Variants in LTBP1 observed in about 807,000 individuals in gnomAD.
The protein encoded by LTBP1 is latent-transforming growth factor beta-binding protein 1.
LTBP1 carries 129 observed loss-of-function variants against 207.6 expected under a neutral mutation model. The observed-to-expected ratio is 0.62, with a 90% CI of 0.54 to 0.72. LTBP1 has a LOEUF of 0.72. Ranked by LOEUF, LTBP1 falls within the 30% of genes least tolerant of loss-of-function variation. LTBP1 has a pLI of 0.00. For synonymous variants in LTBP1, 963 were observed against 833.7 expected (o/e 1.16, Z -2.67); for missense variants, 2,281 against 2,217.2 (o/e 1.03, Z -0.58).
At chr2:33,296,578 G>T (rs2093879281) in intron 20 of LTBP1, among the ~76,000 whole-genome samples, 1 of 152,112 alleles carries the variant, frequency 6.6e-6, no homozygotes, top group Non-Finnish European at 1.5e-5. Flanking sequence ...AGTAGCACAT[G>T]TTGAATGAAT....
chr2:33,383,951 A>G (rs2095243972), intron 31 of LTBP1, among the ~76,000 whole-genome samples: 1 of 152,204 alleles, frequency 6.6e-6, no homozygotes, highest in South Asian at 2.1e-4. Context: ...GCAAAACGAA[A>G]TTGCAACCTC....
At chr2:33,328,864 C>T (rs899450227) in intron 24 of LTBP1, among the ~76,000 whole-genome samples, 1 of 152,042 alleles carries the variant, frequency 6.6e-6, no homozygotes, top group African/African-American at 2.4e-5. Flanking sequence ...TGTAGTAGTC[C>T]ATTTATTTTC....
At chr2:32,980,121 C>T (rs1682533284) in intron 2 of LTBP1, among the ~76,000 whole-genome samples, 1 of 140,360 alleles carries the variant, frequency 7.1e-6, no homozygotes, top group Non-Finnish European at 1.7e-5. Flanking sequence ...TGCATTTAAC[C>T]ACTCTTTGTC....
intron 3 of LTBP1, among the ~76,000 whole-genome samples, chr2:33,087,838 T>C (rs1028608131): frequency 6.6e-6 from 1 of 152,228 alleles, no homozygotes; most frequent in Non-Finnish European, 1.5e-5. Context: ...CATACCATCA[T>C]GTTCTAATTA....
chr2:33,130,002 T>C (rs1440218945), intron 4 of LTBP1, among the ~76,000 whole-genome samples: 2 of 152,222 alleles, frequency 1.3e-5, no homozygotes, highest in Non-Finnish European at 2.9e-5. Flanking sequence ...AGCACCTTTC[T>C]TGAGGAACAC....
Position 33,280,045 on chromosome 2 carries a change from A to G in LTBP1, c.2999A>G (p.Asp1000Gly). 1 of 1,613,810 alleles carries G rather than the reference A, an allele frequency of 6.2e-7. No individual in the cohort carries two copies. Among genetic ancestry groups the G allele is most frequent in the East Asian group, 2.2e-5 (1 of 44,890 alleles). Residue 1000 changes from aspartate to glycine, a missense_variant, in exon 19 of 34, where the codon GAT (aspartate) becomes GGT (glycine). By Grantham distance (94) the Asp-to-Gly change is moderately conservative (BLOSUM62 -1). Around this residue, in one of 3 missense-constraint regions of LTBP1, gnomAD observed 1,671 missense variants for 1,634.8 expected, o/e 1.02. Transcript: ENST00000404816. ...TAGGTTTTTGATTTTTCAGATATTG[A>G]TGAATGTTTGAATCCAAGCACTTGT... Reference protein sequence around the residue: ...MTQRGRCEDIDECLNPSTCPD... With the variant: ...MTQRGRCEDIGECLNPSTCPD...
intron 3 of LTBP1, among the ~76,000 whole-genome samples, chr2:33,057,268 G>T (rs780099791): frequency 1.3e-5 from 2 of 152,120 alleles, no homozygotes; most frequent in Non-Finnish European, 2.9e-5. Context: ...CAAACCTTGA[G>T]CTAGATACAG....
chr2:33,018,160 T>G lies in LTBP1; in HGVS notation c.566-2749T>G, dbSNP rs1175290708. On this transcript the variant is annotated intron_variant, in intron 2 of 33. Coordinates refer to ENST00000404816, the MANE Select transcript of LTBP1 (RefSeq NM_206943.4). ...ATATTTGTAAGTTCAAAGTTTTTTT[T>G]TTTTAACTTTTATGACTGTCTCCCC... Among the ~76,000 whole-genome samples, 4 of 152,118 alleles carry G rather than the reference T, an allele frequency of 2.6e-5. No homozygotes were observed. The East Asian group carries it at 7.7e-4, about 29-fold the overall frequency.
chr2:33,011,349 A>G (rs182518762), intron 2 of LTBP1, among the ~76,000 whole-genome samples: 18 of 152,288 alleles, frequency 1.2e-4, no homozygotes, highest in Non-Finnish European at 2.4e-4. Flanking sequence ...TGTTTCCCCA[A>G]AATTCTTCTA....
rs954894579 is a variant in LTBP1, at chr2:33,056,027, A to G, written c.863+34821A>G. Among the ~76,000 whole-genome samples, 5 of 152,166 alleles carry G rather than the reference A, an allele frequency of 3.3e-5. No homozygotes were observed. The East Asian group carries it at 5.8e-4, about 18-fold the overall frequency. On this transcript the variant is annotated intron_variant, in intron 3 of 33. Coordinates refer to ENST00000404816, the MANE Select transcript of LTBP1 (RefSeq NM_206943.4). ...TTGCATAGTTGTGTATTCTCCCTCA[A>G]TGAAAAGAAAGCTTGGACATAAGGT...
chr2:33,134,466 A>T lies in LTBP1; in HGVS notation c.1034-327A>T. 1.9e-6 allele frequency: 2 copies of T among 1,028,946 alleles called. No homozygotes were observed. Among genetic ancestry groups the T allele is most frequent in the South Asian group, 2.7e-5 (2 of 74,570 alleles). The allele number at this position is 1,028,946 out of a possible 1,614,324, so 63.7% of individuals were successfully genotyped here. On this transcript the variant is annotated intron_variant, in intron 4 of 33. Transcript: ENST00000404816. This position sits in a 1 kb window ranked among gnomAD's most constrained non-coding sequence, Gnocchi z 4.4. ...CTCTTTAATCTGTCGTGCCCTCGGT[A>T]TTGCTCTTTGTCTGCCCGTGAATAA... is the stretch of plus-strand genomic sequence containing the variant.
chr2:32,997,615 G>A (rs1685485823), intron 2 of LTBP1, among the ~76,000 whole-genome samples: 1 of 152,318 alleles, frequency 6.6e-6, no homozygotes, highest in Non-Finnish European at 1.5e-5. Context: ...TGGTGGGATG[G>A]TCGGGATCCT....
intron 9 of LTBP1, among the ~76,000 whole-genome samples, chr2:33,239,762 G>A (rs954148600): frequency 2.6e-5 from 4 of 151,452 alleles, no homozygotes; most frequent in East Asian, 1.9e-4. Flanking sequence ...AAATTAGCTG[G>A]GCATGGTGGC....
At chr2:32,995,058 C>T (rs1019377072) in intron 2 of LTBP1, among the ~76,000 whole-genome samples, 4 of 151,984 alleles carry the variant, frequency 2.6e-5, no homozygotes, top group African/African-American at 9.7e-5. Context: ...GTAGTACGTG[C>T]CTGTAGTCTC....
chr2:32,963,543 T>C (rs1679475346), intron 2 of LTBP1, among the ~76,000 whole-genome samples: 1 of 152,168 alleles, frequency 6.6e-6, no homozygotes, highest in South Asian at 2.1e-4. Flanking sequence ...CTATACTGTA[T>C]GCTCACTGAG....
At position 33,134,484 on chromosome 2, in the gene LTBP1, G is replaced by A. The variant is rs1409910411; in HGVS notation, c.1034-309G>A. The A allele has an allele frequency of 1.5e-5, 19 of 1,228,666 alleles. No individual in the cohort carries two copies. In the East Asian group the frequency reaches 4.7e-4, roughly 31 times the overall value. The allele number at this position is 1,228,666 out of a possible 1,614,324, so 76.1% of individuals were successfully genotyped here. The stretch of plus-strand genomic sequence containing the variant: ...CCTCGGTATTGCTCTTTGTCTGCCC[G>A]TGAATAAAGTGCAGCATTGTGGTTA... On this transcript the variant is annotated intron_variant, in intron 4 of 33. Transcript: ENST00000404816. The surrounding 1 kb of genome is among the most constrained non-coding windows in gnomAD (Gnocchi z 4.4).
In LTBP1 at chr2:33,168,744, C is replaced by A. The variant is rs546187894; in HGVS notation, c.1202-18112C>A. ...CCTAAGGGTTTTCCAGTTGAGGTAT[C>A]TAGAAAGATCTGAGGCTGAGCTTCT... is the stretch of plus-strand genomic sequence containing the variant. On this transcript the variant is annotated intron_variant, in intron 5 of 33. Coordinates refer to ENST00000404816, the MANE Select transcript of LTBP1 (RefSeq NM_206943.4). Among the ~76,000 whole-genome samples, 41 of 152,098 alleles carry A rather than the reference C, an allele frequency of 2.7e-4. 2 individuals carry two copies. The South Asian group carries it at 8.1e-3, about 30-fold the overall frequency.
chr2:33,202,825 C>T (rs1449598548), intron 7 of LTBP1, among the ~76,000 whole-genome samples: 5 of 151,244 alleles, frequency 3.3e-5, no homozygotes, highest in African/African-American at 1.2e-4. Flanking sequence ...GGCCTGCCTT[C>T]TTTTGGAGGA....
intron 9 of LTBP1, among the ~76,000 whole-genome samples, chr2:33,232,058 G>C (rs1187257871): frequency 3.3e-5 from 5 of 152,116 alleles, no homozygotes; most frequent in African/African-American, 9.7e-5. Context: ...GTGAGGGTGA[G>C]AGTGTGATAT....
Sources: gnomAD v4.1 joint callset for allele counts (sites outside exome capture counted in the v4.1 genomes callset) on GRCh38, gnomAD v4.1.1 for gene constraint, gnomAD v4.1.1 regional missense constraint, Gnocchi (gnomAD v3.1) non-coding constraint, MANE v1.5 for transcripts, NCBI Gene and HGNC (gene_info 2026-07-23, HGNC 2026-07-21) for gene names.